The following HORMAD2 variants were observed in gnomAD, a reference collection of about 807,000 sequenced individuals.
HORMAD2 encodes the protein HORMA domain containing 2.
In HORMAD2, 45 loss-of-function variants were observed where a neutral mutation model predicts 38.8. The ratio of observed to expected loss-of-function variants is 1.16; its 90% CI spans 0.91 to 1.49. The LOEUF (loss-of-function observed/expected upper bound fraction) is 1.49, where lower values mean the gene tolerates loss of function less well. Ranked by LOEUF, HORMAD2 falls within the 40% of genes most tolerant of loss-of-function variation. HORMAD2 has a pLI of 0.00. For missense variants in HORMAD2, 338 were observed against 367.0 expected (o/e 0.92, Z 0.65); for synonymous variants, 126 against 122.8 (o/e 1.03, Z -0.17).
At chr22:30,190,408 A>G in the HORMAD2 span, among the ~76,000 whole-genome samples, 1 of 152,150 alleles carries the variant, frequency 6.6e-6, no homozygotes, top group South Asian at 2.1e-4. Flanking sequence ...AATTCCCCCG[A>G]CTACTTTCAT....
chr22:30,159,340 G>A (rs761743514), intron 10 of HORMAD2, among the ~76,000 whole-genome samples: 5 of 152,030 alleles, frequency 3.3e-5, no homozygotes, highest in Admixed American at 6.5e-5. Context: ...ACCACATCAC[G>A]GAAAATCTTT....
chr22:30,104,300 T>G, intron 4 of HORMAD2, 101 bp from the exon 5 acceptor site: 1 of 857,084 alleles, frequency 1.2e-6, no homozygotes, highest in Non-Finnish European at 2.0e-6. Context: ...GGTTATCAAC[T>G]TAATGTACAT....
chr22:30,140,169 C>T (rs1469341620), intron 10 of HORMAD2, among the ~76,000 whole-genome samples: 1 of 152,042 alleles, frequency 6.6e-6, no homozygotes, highest in Non-Finnish European at 1.5e-5. Context: ...GGGGCTGAGG[C>T]ACAAGAATTG....
chr22:30,085,288 G>T (rs566640199), intron 1 of HORMAD2, among the ~76,000 whole-genome samples: 1 of 152,320 alleles, frequency 6.6e-6, no homozygotes, highest in East Asian at 1.9e-4. Flanking sequence ...GGAGAGAATA[G>T]GAGTGACTGC....
intron 3 of HORMAD2, among the ~76,000 whole-genome samples, chr22:30,101,887 T>C (rs918201261): frequency 6.6e-6 from 1 of 151,976 alleles, no homozygotes; most frequent in African/African-American, 2.4e-5. Flanking sequence ...AACAACACGG[T>C]GAAACCCTGT....
intron 10 of HORMAD2, among the ~76,000 whole-genome samples, chr22:30,151,098 C>T (rs1467160352): frequency 6.6e-6 from 1 of 152,202 alleles, no homozygotes; most frequent in Non-Finnish European, 1.5e-5. Context: ...GTGCATTTGA[C>T]TGGTCCTCGG....
At chr22:30,171,098 TCTAA>T (rs1445030858) in intron 10 of HORMAD2, among the ~76,000 whole-genome samples, 6 of 152,216 alleles carry the variant, frequency 3.9e-5, no homozygotes, top group Non-Finnish European at 5.9e-5. Context: ...TGGCTCATCC[TCTAA>T]CTAATCTCTA....
intron 10 of HORMAD2, among the ~76,000 whole-genome samples, chr22:30,130,437 T>C (rs1483151795): frequency 6.6e-6 from 1 of 152,048 alleles, no homozygotes; most frequent in Non-Finnish European, 1.5e-5. Flanking sequence ...CTAACTCCAC[T>C]TGAAAAATAG....
intron 10 of HORMAD2, among the ~76,000 whole-genome samples, chr22:30,165,278 G>A (rs112025141): frequency 2.6e-5 from 4 of 152,204 alleles, no homozygotes; most frequent in African/African-American, 7.2e-5. Flanking sequence ...CTGTCTTTAT[G>A]CCAGTACCAC....
intron 10 of HORMAD2, among the ~76,000 whole-genome samples, chr22:30,156,599 G>A (rs754266733): frequency 1.3e-5 from 2 of 152,120 alleles, no homozygotes; most frequent in Admixed American, 6.5e-5. Flanking sequence ...GATGCCTGAC[G>A]CCCTTGGATC....
intron 10 of HORMAD2, among the ~76,000 whole-genome samples, chr22:30,134,230 T>G (rs1923490711): frequency 6.6e-6 from 1 of 151,162 alleles, no homozygotes; most frequent in Non-Finnish European, 1.5e-5. Context: ...AAACCCTGTC[T>G]GTACCAAAAA....
the HORMAD2 span, among the ~76,000 whole-genome samples, chr22:30,194,714 T>A: frequency 6.6e-6 from 1 of 152,162 alleles, no homozygotes; most frequent in Admixed American, 6.5e-5. Context: ...GAACTGACTG[T>A]CAGTTTGGAG....
chr22:30,169,064 A>C (rs1385244561), intron 10 of HORMAD2, among the ~76,000 whole-genome samples: 1 of 152,146 alleles, frequency 6.6e-6, no homozygotes, highest in East Asian at 1.9e-4. Flanking sequence ...TCTGTCTAAA[A>C]TGTGTTATCT....
chr22:30,180,207 C>T (rs995978131), downstream of HORMAD2, among the ~76,000 whole-genome samples: 1 of 152,072 alleles, frequency 6.6e-6, no homozygotes, highest in South Asian at 2.1e-4. Flanking sequence ...ACATTTTAGT[C>T]TGGACTTACC....
chr22:30,129,143 G>A lies in HORMAD2; in HGVS notation c.819+6929G>A, dbSNP rs1166043382. 4.1e-5 allele frequency among the ~76,000 whole-genome samples: 6 copies of A among 145,722 alleles called. No individual in the cohort carries two copies. The East Asian group carries it at 6.1e-4, about 15-fold the overall frequency. On this transcript the variant is annotated intron_variant, in intron 10 of 10. Coordinates refer to ENST00000336726, the MANE Select transcript of HORMAD2 (RefSeq NM_152510.4). The stretch of plus-strand genomic sequence containing the variant: ...TGAGGCAGGAGAATGGCAAAAACCC[G>A]GGAGGTGGAGCTGGCAGTGAGCCGA...
chr22:30,155,655 A>AAC (rs3067136), intron 10 of HORMAD2, among the ~76,000 whole-genome samples: 12,692 of 150,418 alleles, frequency 0.084, 592 homozygotes, highest in African/African-American at 0.11. Context: ...GTATGTACAC[A>AAC]ACACACACAC....
At chr22:30,204,512 G>C in the HORMAD2 span, among the ~76,000 whole-genome samples, 3 of 152,192 alleles carry the variant, frequency 2.0e-5, no homozygotes, top group Non-Finnish European at 4.4e-5. Flanking sequence ...CCATTCTCCA[G>C]GGCCCCAGGC....
At chr22:30,110,584 C>T (rs184165265) in intron 5 of HORMAD2, among the ~76,000 whole-genome samples, 3 of 151,924 alleles carry the variant, frequency 2.0e-5, no homozygotes, top group African/African-American at 7.2e-5. Flanking sequence ...CAGAGTTTCA[C>T]CATGTTTCCC....
intron 7 of HORMAD2, among the ~76,000 whole-genome samples, chr22:30,114,032 T>A (rs1053513831): frequency 6.6e-6 from 1 of 152,202 alleles, no homozygotes; most frequent in African/African-American, 2.4e-5. Flanking sequence ...CATGTTTTCT[T>A]ATGCATGAAA....
Sources: gnomAD v4.1 joint callset for allele counts (sites outside exome capture counted in the v4.1 genomes callset) on GRCh38, gnomAD v4.1.1 for gene constraint, MANE v1.5 for transcripts, NCBI Gene and HGNC (gene_info 2026-07-23, HGNC 2026-07-21) for gene names.